The following ITCH variants were observed in gnomAD, a reference collection of about 807,000 sequenced individuals.
The protein encoded by ITCH is itchy E3 ubiquitin protein ligase.
A neutral mutation model predicts 126.8 loss-of-function variants in ITCH; 28 were observed. The observed-to-expected ratio is 0.22, with a 90% CI of 0.16 to 0.30. The LOEUF (loss-of-function observed/expected upper bound fraction) is 0.30. Among genes scored for constraint, ITCH ranks in the 10% least tolerant of loss-of-function variants. The probability of loss-of-function intolerance (pLI) is 1.00; values close to 1 mark genes in which losing one functional copy is unlikely to be tolerated. For missense variants in ITCH, 631 were observed against 1,032.4 expected (o/e 0.61, Z 5.33); for synonymous variants, 342 against 340.0 (o/e 1.01, Z -0.06).
intron 2 of ITCH, among the ~76,000 whole-genome samples, chr20:34,382,809 T>A (rs932533267): frequency 1.3e-5 from 2 of 151,550 alleles, no homozygotes; most frequent in Non-Finnish European, 2.9e-5. Context: ...ACTGGCATGA[T>A]CTCTGTTCAC....
At chr20:34,466,895 GT>G in intron 14 of ITCH, among the ~76,000 whole-genome samples, 1 of 152,184 alleles carries the variant, frequency 6.6e-6, no homozygotes, top group South Asian at 2.1e-4. Flanking sequence ...AAAAAGGCAA[GT>G]TATTAAACCT....
intron 3 of ITCH, 126 bp from the exon 4 acceptor site, chr20:34,408,521 GGTAA>G (rs748730437): frequency 7.5e-6 from 6 of 796,458 alleles, no homozygotes; most frequent in South Asian, 4.7e-5. Context: ...GAATAAAATT[GGTAA>G]GTATTTTAGA....
At chr20:34,400,651 T>TTTC (rs1555856854) in intron 3 of ITCH, among the ~76,000 whole-genome samples, 8 of 148,694 alleles carry the variant, frequency 5.4e-5, no homozygotes, top group East Asian at 2.0e-4. Flanking sequence ...TTTTTCTTTT[T>TTTC]TTTTTTTTTT....
At chr20:34,434,616 T>C (rs1432365984) in intron 7 of ITCH, among the ~76,000 whole-genome samples, 1 of 152,086 alleles carries the variant, frequency 6.6e-6, no homozygotes, top group Non-Finnish European at 1.5e-5. Context: ...CAGATGGAGA[T>C]GGTTAGTGGC....
chr20:34,459,432 C>T (rs558141946), intron 13 of ITCH, among the ~76,000 whole-genome samples: 1 of 152,264 alleles, frequency 6.6e-6, no homozygotes, highest in South Asian at 2.1e-4. Context: ...CCTTTAGTCT[C>T]TAGTTCCTCC....
At chr20:34,435,865 G>A (rs1352982834) in intron 7 of ITCH, among the ~76,000 whole-genome samples, 1 of 152,162 alleles carries the variant, frequency 6.6e-6, no homozygotes, top group Non-Finnish European at 1.5e-5. Flanking sequence ...GGAAGGAGTT[G>A]AAGGTTGTGA....
intron 2 of ITCH, among the ~76,000 whole-genome samples, chr20:34,387,456 C>A (rs986831578): frequency 3.9e-5 from 6 of 151,982 alleles, no homozygotes; most frequent in African/African-American, 9.7e-5. Flanking sequence ...TATAGTGAGA[C>A]CCTGTCTCTA....
In ITCH at chr20:34,413,869, A is replaced by G. The variant is rs868361524; in HGVS notation, c.465A>G (p.Thr155=). Residue 155 remains threonine, a synonymous_variant, in exon 6 of 25, where the codon ACA becomes ACG. Coordinates refer to ENST00000374864, the MANE Select transcript of ITCH (RefSeq NM_031483.7). ...ESEVVTNGET[T]CSESASQNDD... ...AAGTTGTTACCAATGGTGAAACTAC[A>G]TGTTCAGAAAGTAAGTGACTACCTT... 8.7e-6 allele frequency: 14 copies of G among 1,613,356 alleles called. No individual in the cohort carries two copies. The Middle Eastern group carries it at 1.7e-3, about 190-fold the overall frequency.
chr20:34,414,894 T>G (rs1979613348), intron 6 of ITCH, among the ~76,000 whole-genome samples: 1 of 152,214 alleles, frequency 6.6e-6, no homozygotes, highest in Non-Finnish European at 1.5e-5. Context: ...CAATACTAAT[T>G]CATTATATGT....
At chr20:34,476,413 G>T (rs1988233986) in intron 16 of ITCH, 1 of 1,237,094 alleles carries the variant, frequency 8.1e-7, no homozygotes, top group Non-Finnish European at 1.0e-6. Context: ...CCACCGGCCG[G>T]CCGGGTCGCC....
intron 7 of ITCH, among the ~76,000 whole-genome samples, chr20:34,433,068 T>A (rs1441740244): frequency 6.6e-6 from 1 of 152,152 alleles, no homozygotes; most frequent in East Asian, 1.9e-4. Flanking sequence ...GGCAGGTGGA[T>A]CACCTGAAGT....
In ITCH at chr20:34,412,628, A is replaced by G. The variant is rs1159695069; in HGVS notation, c.326A>G (p.Asn109Ser). The stretch of plus-strand genomic sequence containing the variant: ...GATATTTATGAAACATTAAAGTCAA[A>G]CAATATGAAACGTATGTATGTAAGA... ...ALDIYETLKS[N>S]NMKLEEVVVT... The change falls in exon 5 of 25, where the codon AAC becomes AGC. Residue 109 changes from asparagine to serine, a missense_variant. Asn to Ser is a conservative substitution (Grantham distance 46). Transcript: ENST00000374864. The G allele has an allele frequency of 4.4e-6, 7 of 1,607,120 alleles. No homozygotes were observed. Among genetic ancestry groups the G allele is most frequent in the Non-Finnish European group, 5.1e-6 (6 of 1,174,120 alleles).
At chr20:34,499,711 A>C (rs906320849) in intron 23 of ITCH, among the ~76,000 whole-genome samples, 1 of 149,056 alleles carries the variant, frequency 6.7e-6, no homozygotes, top group African/African-American at 2.5e-5. Flanking sequence ...GATCTTTATT[A>C]TTTCTTTCCT....
chr20:34,461,305 C>T (rs575242630), intron 13 of ITCH, among the ~76,000 whole-genome samples: 105 of 152,090 alleles, frequency 6.9e-4, no homozygotes, highest in Non-Finnish European at 1.4e-3. Context: ...ACAGAGATAA[C>T]TAATTTAAAT....
intron 23 of ITCH, among the ~76,000 whole-genome samples, chr20:34,503,851 GGGTTTTTTTTTTTTTTT>G (rs1236125075): frequency 5.2e-5 from 7 of 135,772 alleles, no homozygotes; most frequent in South Asian, 2.3e-4. Context: ...TGGGTTTTTT[GGGTTTTTTTTTTTTTTT>G]GGTTTTTTTT....
chr20:34,434,755 A>G (rs1486867942), intron 7 of ITCH, among the ~76,000 whole-genome samples: 4 of 152,176 alleles, frequency 2.6e-5, no homozygotes, highest in South Asian at 2.1e-4. Context: ...AAGGTTTGCA[A>G]GGGGCACTGG....
In ITCH at chr20:34,432,402, C is replaced by T. The variant is rs199615248; in HGVS notation, c.522-6072C>T. ...CAGTATTCTCAGGTTGTAAAGATCTCTTAAAAATAGGCAAAATTATTCCCT... is the reference window on the plus strand; with the variant it reads ...CAGTATTCTCAGGTTGTAAAGATCTTTTAAAAATAGGCAAAATTATTCCCT... On this transcript the variant is annotated intron_variant, in intron 7 of 24. Coordinates refer to ENST00000374864, the MANE Select transcript of ITCH (RefSeq NM_031483.7). 2.5e-4 allele frequency among the ~76,000 whole-genome samples: 38 copies of T among 152,118 alleles called. No individual in the cohort carries two copies. The East Asian group carries it at 4.8e-3, about 19-fold the overall frequency.
intron 16 of ITCH, chr20:34,476,534 TC>T: frequency 9.8e-7 from 1 of 1,021,682 alleles, no homozygotes; most frequent in Non-Finnish European, 1.2e-6. Context: ...TTGTGACATT[TC>T]TCATTTGCGT....
chr20:34,422,939 C>T lies in ITCH; in HGVS notation c.476-1541C>T, dbSNP rs139711147. Among the ~76,000 whole-genome samples the T allele has an allele frequency of 7.8e-3, 1,191 of 152,046 alleles. 15 individuals carry two copies. The highest frequency in any genetic ancestry group is 0.027 in the African/African-American group (1,131 of 41,472). ...ACTCCTGAGTGGTTGGGACTACAGGCGCCCGCCACCACACTCAGCTAATTT... is the reference window on the plus strand; with the variant it reads ...ACTCCTGAGTGGTTGGGACTACAGGTGCCCGCCACCACACTCAGCTAATTT... On this transcript the variant is annotated intron_variant, in intron 6 of 24. Transcript: ENST00000374864.
Sources: allele counts gnomAD v4.1 joint callset (sites outside exome capture counted in the v4.1 genomes callset), GRCh38; gene constraint gnomAD v4.1.1; transcripts MANE v1.5; gene names NCBI Gene and HGNC (gene_info 2026-07-23, HGNC 2026-07-21).